The following DOCK1 variants were observed in gnomAD, a reference collection of about 807,000 sequenced individuals.
DOCK1 encodes dedicator of cytokinesis 1.
In DOCK1, 138 loss-of-function variants were observed where a neutral mutation model predicts 262.7. The observed-to-expected ratio is 0.53, with a 90% CI of 0.46 to 0.61. The LOEUF is 0.61. Ranked by LOEUF, DOCK1 falls within the 20% of genes least tolerant of loss-of-function variation. DOCK1 has a pLI of 0.00. For missense variants in DOCK1, 1,908 were observed against 2,370.7 expected, an observed-to-expected ratio of 0.80 and a Z score of 4.05; for synonymous variants, 866 against 867.4, an observed-to-expected ratio of 1.00 and a Z score of 0.03.
intron 32 of DOCK1, among the ~76,000 whole-genome samples, chr10:127,355,320 C>T (rs2064093560): frequency 6.6e-6 from 1 of 152,132 alleles, no homozygotes. Context: ...ACATGTAATT[C>T]TTATAGATAA....
chr10:127,119,534 C>A (rs2049410440), intron 25 of DOCK1, among the ~76,000 whole-genome samples: 1 of 152,130 alleles, frequency 6.6e-6, no homozygotes, highest in African/African-American at 2.4e-5. Context: ...GGGAGGAAAG[C>A]ACGTGAACAT....
rs1352604480 is a variant in DOCK1, at chr10:127,339,219, G to A, written c.3123+135G>A. ...CATCCAAGATGCGGAAACGGAATTTGTAGTATGTACTATTGGAACCTGAGG... is the reference window on the plus strand; with the variant it reads ...CATCCAAGATGCGGAAACGGAATTTATAGTATGTACTATTGGAACCTGAGG... On this transcript the variant is annotated intron_variant, in intron 30 of 51. Coordinates refer to ENST00000623213, the MANE Select transcript of DOCK1 (RefSeq NM_001290223.2). 7 of 751,294 alleles carry A rather than the reference G, an allele frequency of 9.3e-6. 1 individual carries two copies. The highest frequency in any genetic ancestry group is 1.6e-5 in the Non-Finnish European group (7 of 449,758). 46.5% of individuals were successfully genotyped at this position (751,294 alleles called of 1,614,324 possible). A position where few individuals can be genotyped will look rare whatever the true frequency, so the allele number is the denominator to read the frequency against.
intron 29 of DOCK1, among the ~76,000 whole-genome samples, chr10:127,281,538 G>A (rs945895322): frequency 3.8e-4 from 58 of 152,286 alleles, no homozygotes; most frequent in African/African-American, 1.4e-3. Context: ...TTGTCCCTGG[G>A]AGTGGGTCAC....
intron 12 of DOCK1, among the ~76,000 whole-genome samples, chr10:127,015,735 A>G (rs2041825815): frequency 6.6e-6 from 1 of 152,066 alleles, no homozygotes; most frequent in African/African-American, 2.4e-5. Flanking sequence ...CCAGCCAGCT[A>G]GGATCATGCG....
intron 27 of DOCK1, among the ~76,000 whole-genome samples, chr10:127,134,669 T>C (rs1346178070): frequency 6.6e-6 from 1 of 152,168 alleles, no homozygotes; most frequent in Non-Finnish European, 1.5e-5. Flanking sequence ...ACCCTCCCTC[T>C]GTCTGCTCTG....
intron 27 of DOCK1, among the ~76,000 whole-genome samples, chr10:127,222,117 T>G (rs190641331): frequency 6.6e-6 from 1 of 152,302 alleles, no homozygotes; most frequent in Non-Finnish European, 1.5e-5. Context: ...GTTCATTGCT[T>G]TTTGTCCCTG....
chr10:127,216,312 A>G (rs1346969967), intron 27 of DOCK1, among the ~76,000 whole-genome samples: 1 of 145,972 alleles, frequency 6.9e-6, no homozygotes, highest in East Asian at 2.0e-4. Flanking sequence ...AATTTAGTAA[A>G]AAAAAAAAAA....
chr10:126,962,505 C>T (rs916069731), intron 1 of DOCK1, among the ~76,000 whole-genome samples: 43 of 152,210 alleles, frequency 2.8e-4, no homozygotes, highest in African/African-American at 1.0e-3. Context: ...CCATGTTGGC[C>T]AGGCTGGTCT....
chr10:127,330,478 T>C (rs1225562603), intron 29 of DOCK1, among the ~76,000 whole-genome samples: 1 of 151,874 alleles, frequency 6.6e-6, no homozygotes. Context: ...TTGTGTACTG[T>C]TGCTGGGAAT....
intron 23 of DOCK1, among the ~76,000 whole-genome samples, chr10:127,084,535 A>G (rs972687850): frequency 6.6e-6 from 1 of 152,160 alleles, no homozygotes; most frequent in African/African-American, 2.4e-5. Context: ...ACAAGGCACA[A>G]TTGCCTGCCT....
At chr10:127,015,745 G>A (rs945533258) in intron 12 of DOCK1, among the ~76,000 whole-genome samples, 3 of 152,036 alleles carry the variant, frequency 2.0e-5, no homozygotes, top group Non-Finnish European at 4.4e-5. Flanking sequence ...AGGATCATGC[G>A]GTGGCCTCCC....
At chr10:127,428,246 A>G (rs1004982229) in intron 47 of DOCK1, among the ~76,000 whole-genome samples, 5 of 152,318 alleles carry the variant, frequency 3.3e-5, no homozygotes, top group African/African-American at 9.6e-5. Context: ...TCAGTCATTT[A>G]ATGTATATTT....
At chr10:127,296,776 G>A (rs1299379550) in intron 29 of DOCK1, among the ~76,000 whole-genome samples, 4 of 152,294 alleles carry the variant, frequency 2.6e-5, no homozygotes, top group Non-Finnish European at 5.9e-5. Flanking sequence ...ATGGGAAAGC[G>A]GTAGGGGGTG....
At chr10:127,016,863 A>G (rs1261381004) in intron 12 of DOCK1, among the ~76,000 whole-genome samples, 1 of 150,834 alleles carries the variant, frequency 6.6e-6, no homozygotes, top group East Asian at 1.9e-4. Flanking sequence ...CCATAAACAC[A>G]CACACAGATA....
intron 1 of DOCK1, among the ~76,000 whole-genome samples, chr10:126,960,493 C>T (rs1169263555): frequency 2.0e-5 from 3 of 150,326 alleles, no homozygotes; most frequent in Non-Finnish European, 3.0e-5. Context: ...CTCTGACTGT[C>T]GTGGGGGAGT....
At chr10:127,046,814 C>T (rs933210505) in intron 21 of DOCK1, among the ~76,000 whole-genome samples, 6 of 145,384 alleles carry the variant, frequency 4.1e-5, no homozygotes, top group African/African-American at 1.0e-4. Context: ...AAAATAGGTA[C>T]TCTTAGCTCA....
chr10:126,945,929 A>G (rs2035364114), intron 1 of DOCK1, among the ~76,000 whole-genome samples: 1 of 152,150 alleles, frequency 6.6e-6, no homozygotes, highest in Non-Finnish European at 1.5e-5. Flanking sequence ...ACAACTTGGA[A>G]TGCTCAGGTG....
At chr10:127,390,396 A>C (rs1352452033) in intron 38 of DOCK1, among the ~76,000 whole-genome samples, 1 of 152,120 alleles carries the variant, frequency 6.6e-6, no homozygotes, top group African/African-American at 2.4e-5. Flanking sequence ...ATCCCCCCAA[A>C]ATTCCTATGT....
chr10:127,398,287 A>G (rs2067032357), intron 38 of DOCK1, among the ~76,000 whole-genome samples: 3 of 152,266 alleles, frequency 2.0e-5, no homozygotes, highest in Admixed American at 2.0e-4. Flanking sequence ...AGGGGCCTGG[A>G]GAGAGTGGTG....
Sources: allele counts gnomAD v4.1 joint callset (sites outside exome capture counted in the v4.1 genomes callset), GRCh38; gene constraint gnomAD v4.1.1; transcripts MANE v1.5; gene names NCBI Gene and HGNC (gene_info 2026-07-23, HGNC 2026-07-21).